The following ERC2 variants were observed in gnomAD, a reference collection of about 807,000 sequenced individuals.
ERC2 encodes ELKS/RAB6-interacting/CAST family member 2.
In ERC2, 42 loss-of-function variants were observed where a neutral mutation model predicts 114.8. The observed-to-expected ratio is 0.37, with a 90% CI of 0.29 to 0.47. The LOEUF is 0.47. Among genes scored for constraint, ERC2 ranks in the 20% least tolerant of loss-of-function variants. The pLI, the probability that ERC2 is intolerant of heterozygous loss-of-function variation, is 0.99. For missense variants in ERC2, 939 were observed against 1,150.7 expected, an observed-to-expected ratio of 0.82 and a Z score of 2.66; for synonymous variants, 454 against 425.5, an observed-to-expected ratio of 1.07 and a Z score of -0.82.
chr3:55,653,873 T>C (rs181109084), intron 17 of ERC2, among the ~76,000 whole-genome samples: 1 of 152,330 alleles, frequency 6.6e-6, no homozygotes, highest in African/African-American at 2.4e-5. Flanking sequence ...ATCTACCTGC[T>C]GGCCCCAGCT....
intron 3 of ERC2, among the ~76,000 whole-genome samples, chr3:56,270,768 A>G (rs2053606040): frequency 6.6e-6 from 1 of 152,226 alleles, no homozygotes; most frequent in Non-Finnish European, 1.5e-5. Context: ...TCACGAGGTC[A>G]GGAGATTGAG....
chr3:55,700,882 T>C (rs540948230), intron 15 of ERC2, among the ~76,000 whole-genome samples: 1 of 152,258 alleles, frequency 6.6e-6, no homozygotes, highest in Admixed American at 6.5e-5. Context: ...ATATAATACA[T>C]GCTGCTGTAA....
chr3:56,232,890 A>G (rs2050719318), intron 3 of ERC2, among the ~76,000 whole-genome samples: 1 of 152,208 alleles, frequency 6.6e-6, no homozygotes, highest in Non-Finnish European at 1.5e-5. Context: ...GCCCTTCCTC[A>G]TTATCTCCCG....
intron 17 of ERC2, among the ~76,000 whole-genome samples, chr3:55,627,150 G>T (rs1224239111): frequency 6.6e-6 from 1 of 152,180 alleles, no homozygotes; most frequent in African/African-American, 2.4e-5. Context: ...CCACAAAACT[G>T]TTGGGTCCAC....
At chr3:55,853,424 C>T (rs2061657196) in intron 14 of ERC2, among the ~76,000 whole-genome samples, 1 of 151,942 alleles carries the variant, frequency 6.6e-6, no homozygotes, top group Admixed American at 6.6e-5. Flanking sequence ...ACTTGGGAGG[C>T]TGAGAGGGGA....
chr3:56,336,975 TATGA>T (rs1468550535), intron 2 of ERC2, among the ~76,000 whole-genome samples: 1 of 152,150 alleles, frequency 6.6e-6, no homozygotes, highest in African/African-American at 2.4e-5. Flanking sequence ...TAGAAAAACA[TATGA>T]ATATTTTATA....
intron 17 of ERC2, among the ~76,000 whole-genome samples, chr3:55,521,629 A>T (rs1247438942): frequency 3.3e-5 from 5 of 152,238 alleles, no homozygotes; most frequent in Non-Finnish European, 7.3e-5. Flanking sequence ...CCCTGATGTA[A>T]CTGCTCATGA....
At chr3:56,326,754 C>T (rs2057379244) in intron 2 of ERC2, among the ~76,000 whole-genome samples, 1 of 152,176 alleles carries the variant, frequency 6.6e-6, no homozygotes, top group African/African-American at 2.4e-5. Flanking sequence ...CTAGTGACCA[C>T]AGCCCTCTCA....
chr3:55,745,928 T>C (rs933974408), intron 14 of ERC2, among the ~76,000 whole-genome samples: 2 of 152,228 alleles, frequency 1.3e-5, no homozygotes, highest in African/African-American at 4.8e-5. Flanking sequence ...AAACAATATG[T>C]TTTAATTTCG....
intron 17 of ERC2, among the ~76,000 whole-genome samples, chr3:55,638,361 T>C (rs973245777): frequency 6.6e-6 from 1 of 152,246 alleles, no homozygotes; most frequent in Non-Finnish European, 1.5e-5. Context: ...TCGAGTTCTT[T>C]CTTGGTGCAA....
chr3:56,003,218 T>C (rs75762769), intron 10 of ERC2: 2 of 887,058 alleles, frequency 2.3e-6, no homozygotes. Context: ...CTCAACAAAA[T>C]CCATGCATTC....
intron 17 of ERC2, among the ~76,000 whole-genome samples, chr3:55,581,092 C>T (rs184359585): frequency 1.2e-4 from 18 of 152,264 alleles, no homozygotes; most frequent in Admixed American, 1.0e-3. Flanking sequence ...ATGTGCTCCT[C>T]TAACTAGGGG....
In ERC2 at chr3:55,539,415, C is replaced by CTTTTTTT. The variant is rs58749389; in HGVS notation, c.*40-28146_*40-28140dup. Among the ~76,000 whole-genome samples, 76 of 39,104 alleles carry CTTTTTTT rather than the reference C, an allele frequency of 1.9e-3. 6 individuals carry two copies. The highest frequency in any genetic ancestry group is 4.9e-3 in the South Asian group (3 of 610). 25.7% of individuals were successfully genotyped at this position (39,104 alleles called of 152,430 possible). A position where few individuals can be genotyped will look rare whatever the true frequency, so the allele number is the denominator to read the frequency against. Reference sequence around the variant, plus strand: ...TCTCTCTCTCTCTCTTTTTTTCTTTCTTTTTTTTTTTTTTTTTTTTTTTTT... The same window carrying CTTTTTTT: ...TCTCTCTCTCTCTCTTTTTTTCTTTCTTTTTTTTTTTTTTTTTTTTTTTTTTTTTTTT... On this transcript the variant is annotated intron_variant, in intron 17 of 17. Coordinates refer to ENST00000288221, the MANE Select transcript of ERC2 (RefSeq NM_015576.3).
intron 14 of ERC2, among the ~76,000 whole-genome samples, chr3:55,756,817 AC>A (rs1375240698): frequency 6.6e-6 from 1 of 152,064 alleles, no homozygotes; most frequent in Non-Finnish European, 1.5e-5. Context: ...CTTCCTCTGT[AC>A]CCAAGACAAA....
chr3:55,957,852 A>C (rs1322708973), intron 12 of ERC2, among the ~76,000 whole-genome samples: 1 of 152,220 alleles, frequency 6.6e-6, no homozygotes, highest in African/African-American at 2.4e-5. Context: ...TGGAGACACC[A>C]GGTACCACAG....
chr3:55,520,736 A>T (rs752654997), intron 17 of ERC2, among the ~76,000 whole-genome samples: 13 of 152,218 alleles, frequency 8.5e-5, no homozygotes, highest in Non-Finnish European at 1.8e-4. Context: ...TATCTTCATG[A>T]TAATAAGCCC....
Position 56,227,756 on chromosome 3 carries a change from C to T in ERC2, c.1075-54236G>A, listed in dbSNP as rs180724229. Among the ~76,000 whole-genome samples, 13 of 152,300 alleles carry T rather than the reference C, an allele frequency of 8.5e-5. No homozygotes were observed. In the East Asian group the frequency reaches 2.5e-3, roughly 29 times the overall value. On this transcript the variant is annotated intron_variant, in intron 3 of 17. Coordinates refer to ENST00000288221, the MANE Select transcript of ERC2 (RefSeq NM_015576.3). The stretch of plus-strand genomic sequence containing the variant: ...AAACGATTTAGCAGTATCTACCAAA[C>T]TACTTTGTGCCCCAGAAATTCCACC...
chr3:55,639,920 G>T (rs915256267), intron 17 of ERC2, among the ~76,000 whole-genome samples: 5 of 152,204 alleles, frequency 3.3e-5, no homozygotes, highest in African/African-American at 1.2e-4. Context: ...AGGGAGAAGA[G>T]GTGGTGCGAC....
rs746524164 is a variant in ERC2 at position 55,651,686 on chromosome 3, T to C, written c.*39+32108A>G. On this transcript the variant is annotated intron_variant, in intron 17 of 17. Transcript: ENST00000288221. Reference sequence around the variant, plus strand: ...CCCTCTAGCAGTCCATACATGTGGTTTGATAAGGAGTAAGTCTACTAGGTA... The same window carrying C: ...CCCTCTAGCAGTCCATACATGTGGTCTGATAAGGAGTAAGTCTACTAGGTA... Among the ~76,000 whole-genome samples the C allele has an allele frequency of 2.6e-5, 4 of 152,200 alleles. No individual in the cohort carries two copies. The South Asian group carries it at 6.2e-4, about 24-fold the overall frequency.
Sources: gnomAD v4.1 joint callset for allele counts (sites outside exome capture counted in the v4.1 genomes callset) on GRCh38, gnomAD v4.1.1 for gene constraint, MANE v1.5 for transcripts, NCBI Gene and HGNC (gene_info 2026-07-23, HGNC 2026-07-21) for gene names.